The following SHQ1 variants were observed in gnomAD, a reference collection of about 807,000 sequenced individuals.
SHQ1 encodes protein SHQ1 homolog.
Under a neutral mutation model 53.8 loss-of-function variants are expected in SHQ1, and 49 were observed. The ratio of observed to expected loss-of-function variants is 0.91; its 90% CI spans 0.72 to 1.16. The LOEUF is 1.16. SHQ1 is among the 50% of genes most tolerant of loss of function. SHQ1 has a pLI of 0.00. For synonymous variants in SHQ1, 243 were observed against 251.0 expected (o/e 0.97, Z 0.30); for missense variants, 738 against 683.1 (o/e 1.08, Z -0.90).
At chr3:72,774,494 T>C (rs1278292210) in intron 10 of SHQ1, among the ~76,000 whole-genome samples, 2 of 152,130 alleles carry the variant, frequency 1.3e-5, no homozygotes, top group Non-Finnish European at 2.9e-5. Context: ...CTGGCAGAAA[T>C]GCAATTAAGT....
At chr3:72,804,711 T>C (rs1320697812) in intron 9 of SHQ1, among the ~76,000 whole-genome samples, 2 of 152,186 alleles carry the variant, frequency 1.3e-5, no homozygotes, top group African/African-American at 4.8e-5. Context: ...AACTTTAAGT[T>C]GGGATATGGT....
chr3:72,750,902 A>T, intron 10 of SHQ1, 66 bp from the exon 11 acceptor site: 1 of 1,329,574 alleles, frequency 7.5e-7, no homozygotes, highest in Non-Finnish European at 1.0e-6. Context: ...AACAGGTTAT[A>T]CAGCTTCCAA....
intron 10 of SHQ1, among the ~76,000 whole-genome samples, chr3:72,780,962 C>A (rs564421844): frequency 2.0e-5 from 3 of 152,190 alleles, no homozygotes; most frequent in African/African-American, 4.8e-5. Flanking sequence ...CACCACTACA[C>A]CCGGCTAATT....
chr3:72,804,530 C>G (rs190529199), intron 9 of SHQ1, among the ~76,000 whole-genome samples: 2 of 150,394 alleles, frequency 1.3e-5, no homozygotes, highest in African/African-American at 4.9e-5. Context: ...ACCTATCATT[C>G]CTATTACACA....
At chr3:72,775,506 G>C (rs1559666204) in intron 10 of SHQ1, among the ~76,000 whole-genome samples, 1 of 142,118 alleles carries the variant, frequency 7.0e-6, no homozygotes, top group African/African-American at 2.6e-5. Flanking sequence ...TTCAAGGAAT[G>C]TATCATTTCA....
intron 1 of SHQ1, among the ~76,000 whole-genome samples, chr3:72,845,427 G>C (rs537325492): frequency 6.6e-6 from 1 of 151,642 alleles, no homozygotes; most frequent in Non-Finnish European, 1.5e-5. Flanking sequence ...AGGTTGCAGT[G>C]AGCCGAGATC....
the SHQ1 span, among the ~76,000 whole-genome samples, chr3:72,733,513 G>T: frequency 2.8e-3 from 421 of 151,744 alleles, 14 homozygotes; most frequent in African/African-American, 9.4e-3. Flanking sequence ...GTCTCCCCTG[G>T]AGGAAGAAAA....
At chr3:72,805,905 T>C (rs115329337) in intron 9 of SHQ1, among the ~76,000 whole-genome samples, 1,714 of 152,326 alleles carry the variant, frequency 0.011, 20 homozygotes, top group Middle Eastern at 0.031. Flanking sequence ...AAGAATGTTT[T>C]ATACAAATGT....
intron 9 of SHQ1, among the ~76,000 whole-genome samples, chr3:72,796,953 TAATA>T (rs1332337966): frequency 7.9e-6 from 1 of 126,450 alleles, no homozygotes; most frequent in African/African-American, 3.1e-5. Context: ...AAAAAAAGAC[TAATA>T]CTCATTTAAA....
At chr3:72,789,078 C>T (rs1045455206) in intron 10 of SHQ1, among the ~76,000 whole-genome samples, 1 of 109,340 alleles carries the variant, frequency 9.1e-6, no homozygotes, top group Non-Finnish European at 1.9e-5. Flanking sequence ...GATCAATAAA[C>T]ACTAAAAAAA....
chr3:72,848,303 T>G lies in SHQ1; in HGVS notation c.38A>C (p.Asp13Ala), dbSNP rs930452431. The G allele has an allele frequency of 5.0e-6, 8 of 1,614,006 alleles. No homozygotes were observed. Among genetic ancestry groups the G allele is most frequent in the Non-Finnish European group, 6.8e-6 (8 of 1,179,988 alleles). The change falls in exon 1 of 11, where the codon GAC becomes GCC. Residue 13 changes from aspartate to alanine, a missense_variant. Asp to Ala is a moderately radical substitution (Grantham distance 126). Transcript: ENST00000325599. ...TPAFDLSQDP[D>A]FLTIAIRVPY... The stretch of plus-strand genomic sequence containing the variant: ...CACGCGGATGGCGATAGTCAGGAAG[T>G]CCGGATCCTGGCTGAGGTCGAACGC...
chr3:72,734,085 C>A, the SHQ1 span, among the ~76,000 whole-genome samples: 1 of 150,842 alleles, frequency 6.6e-6, no homozygotes, highest in East Asian at 2.0e-4. Context: ...GATTTGAGCC[C>A]AGGAACAGAG....
chr3:72,791,540 T>A (rs565281452), intron 10 of SHQ1, among the ~76,000 whole-genome samples: 19 of 152,318 alleles, frequency 1.2e-4, no homozygotes, highest in African/African-American at 4.6e-4. Context: ...AAATCCCATA[T>A]AATGGCTCAT....
At chr3:72,754,633 G>A (rs1383776171) in intron 10 of SHQ1, among the ~76,000 whole-genome samples, 2 of 152,056 alleles carry the variant, frequency 1.3e-5, no homozygotes, top group African/African-American at 2.4e-5. Context: ...TGCCCGCCTA[G>A]GCCTTCCAAA....
intron 10 of SHQ1, among the ~76,000 whole-genome samples, chr3:72,762,479 C>T (rs751033635): frequency 2.0e-4 from 31 of 152,226 alleles, no homozygotes; most frequent in South Asian, 1.0e-3. Flanking sequence ...TACTCCCTAG[C>T]AGAAATGCTA....
chr3:72,798,193 GA>G lies in SHQ1; in HGVS notation c.1061-5158del, dbSNP rs370279326. Among the ~76,000 whole-genome samples the G allele has an allele frequency of 1.7e-4, 25 of 148,338 alleles. No homozygotes were observed. In the East Asian group the frequency reaches 2.5e-3, roughly 15 times the overall value. On this transcript the variant is annotated intron_variant, in intron 9 of 10. Transcript: ENST00000325599. ...GCAGTTCACTGCCTGGTTCAAAGCA[GA>G]AAAAAAAAACAGTGCCTTGCACAGT...
chr3:72,739,214 A>C, the SHQ1 span, among the ~76,000 whole-genome samples: 2 of 152,298 alleles, frequency 1.3e-5, no homozygotes, highest in South Asian at 4.1e-4. Context: ...TGTACAAACG[A>C]AGCCGTGTCA....
chr3:72,753,565 G>A (rs1011972107), intron 10 of SHQ1: 19 of 985,220 alleles, frequency 1.9e-5, no homozygotes, highest in Middle Eastern at 5.2e-4. Flanking sequence ...GGCACAGTGC[G>A]GTGAGTGGGA....
At chr3:72,813,618 G>A (rs1325894462) in intron 8 of SHQ1, among the ~76,000 whole-genome samples, 16 of 151,568 alleles carry the variant, frequency 1.1e-4, no homozygotes, top group South Asian at 6.2e-4. Context: ...AAAATTAGCC[G>A]GGCGTGGTGG....
Sources: allele counts gnomAD v4.1 joint callset (sites outside exome capture counted in the v4.1 genomes callset), GRCh38; gene constraint gnomAD v4.1.1; transcripts MANE v1.5; gene names NCBI Gene and HGNC (gene_info 2026-07-23, HGNC 2026-07-21).